LOXHD1: variants seen among roughly 807,000 people sequenced by gnomAD.
The protein encoded by LOXHD1 is lipoxygenase homology domain-containing protein 1.
In LOXHD1, 205 loss-of-function variants were observed where a neutral mutation model predicts 248.2. The observed-to-expected ratio is 0.83, with a 90% confidence interval of 0.74 to 0.93. LOXHD1 has a LOEUF of 0.93. Ranked by LOEUF, LOXHD1 falls within the 40% of genes least tolerant of loss-of-function variation. The probability of loss-of-function intolerance (pLI) is 0.00; values close to 1 mark genes in which losing one functional copy is unlikely to be tolerated. For missense variants in LOXHD1, 2,930 were observed against 2,971.6 expected (o/e 0.99, Z 0.33); for synonymous variants, 1,113 against 1,162.8 (o/e 0.96, Z 0.87).
intron 40 of LOXHD1, among the ~76,000 whole-genome samples, chr18:46,482,322 G>A (rs1443757424): frequency 6.6e-6 from 1 of 152,192 alleles, no homozygotes; most frequent in African/African-American, 2.4e-5. Flanking sequence ...ATAAGGTCAT[G>A]AGGGTGGGGC....
At chr18:46,570,138 T>C (rs914967612) in intron 15 of LOXHD1, among the ~76,000 whole-genome samples, 5 of 152,198 alleles carry the variant, frequency 3.3e-5, no homozygotes, top group Non-Finnish European at 5.9e-5. Flanking sequence ...TGGTGCAAGA[T>C]GGCAACAGTT....
chr18:46,534,410 G>A lies in LOXHD1; in HGVS notation c.4137C>T (p.Gly1379=), dbSNP rs1437990899. 1 of 1,551,678 alleles carries A rather than the reference G, an allele frequency of 6.4e-7. No individual in the cohort carries two copies. Among genetic ancestry groups the A allele is most frequent in the Non-Finnish European group, 8.7e-7 (1 of 1,146,968 alleles). The change falls in exon 27 of 41, where the codon GGC becomes GGT. Residue 1379 remains glycine (G), a synonymous_variant. Transcript: ENST00000642948. ...VGEIIEKIRI[G]HNNTGMNPGW... ...CAGGATTCATGCCCGTGTTATTATG[G>A]CCAATCCGAATTTTTTCAATGATTT...
rs569801741 is a variant in LOXHD1 at position 46,483,956 on chromosome 18, C to A, written c.6183-211G>T. 5.3e-4 allele frequency among the ~76,000 whole-genome samples: 81 copies of A among 152,178 alleles called. No individual in the cohort carries two copies. In the South Asian group the frequency reaches 5.8e-3, roughly 11 times the overall value. Reference sequence around the variant, plus strand: ...TGAAAAAGCCCCACTAGCTGCCTGGCCTCAGCACCAAAGAATGGTGACATC... The same window carrying A: ...TGAAAAAGCCCCACTAGCTGCCTGGACTCAGCACCAAAGAATGGTGACATC... On this transcript the variant is annotated intron_variant, in intron 39 of 40. Transcript: ENST00000642948.
At chr18:46,641,035 G>T (rs1384691886) in intron 3 of LOXHD1, among the ~76,000 whole-genome samples, 3 of 152,094 alleles carry the variant, frequency 2.0e-5, no homozygotes, top group Non-Finnish European at 4.4e-5. Context: ...CTGGCACATA[G>T]TAGGACCTCA....
intron 19 of LOXHD1, 35 bp downstream of exon 19, chr18:46,560,045 CACT>C: frequency 1.5e-6 from 2 of 1,344,082 alleles, no homozygotes; most frequent in Non-Finnish European, 1.0e-6. Context: ...ACTGTCTGGC[CACT>C]CCCTCCCCAC....
At chr18:46,504,140 G>A (rs1970364999) in intron 37 of LOXHD1, among the ~76,000 whole-genome samples, 1 of 151,994 alleles carries the variant, frequency 6.6e-6, no homozygotes, top group Admixed American at 6.6e-5. Flanking sequence ...TTTTGAGACA[G>A]AGTCTCACTG....
intron 32 of LOXHD1, among the ~76,000 whole-genome samples, chr18:46,521,530 G>C (rs1220263895): frequency 6.6e-6 from 1 of 152,202 alleles, no homozygotes; most frequent in African/African-American, 2.4e-5. Flanking sequence ...TGAAGAAGTT[G>C]GAGATATTTG....
At chr18:46,519,666 T>G (rs754874490) in intron 33 of LOXHD1, among the ~76,000 whole-genome samples, 1 of 152,116 alleles carries the variant, frequency 6.6e-6, no homozygotes, top group Non-Finnish European at 1.5e-5. Flanking sequence ...AAAAATAGAA[T>G]GATCAAAATG....
In LOXHD1 at chr18:46,505,870, A is replaced by T; in HGVS notation, c.5846T>A (p.Leu1949His). 1 of 1,551,738 alleles carries T rather than the reference A, an allele frequency of 6.4e-7. No individual in the cohort carries two copies. The highest frequency in any genetic ancestry group is 8.7e-7 in the Non-Finnish European group (1 of 1,147,014). ...GTCGTGCCAGACCCTCAGCTTGCAG[A>T]GGTGGCCCAAGCTCAGCATGTCAGG... ...NFPDMLSLGH[L>H]CKLRVWHDNK... Residue 1949 changes from leucine (L) to histidine (H), a missense_variant, in exon 37 of 41, where the codon CTC becomes CAC. Leu to His is a moderately conservative substitution (Grantham distance 99, BLOSUM62 -3). Coordinates refer to ENST00000642948, the MANE Select transcript of LOXHD1 (RefSeq NM_001384474.1).
intron 34 of LOXHD1, among the ~76,000 whole-genome samples, chr18:46,516,324 G>A (rs555193224): frequency 1.3e-5 from 2 of 152,316 alleles, no homozygotes; most frequent in Admixed American, 6.5e-5. Flanking sequence ...TGGAATAAAT[G>A]TTCAATGCAT....
At chr18:46,577,116 C>A (rs1357220928) in intron 14 of LOXHD1, among the ~76,000 whole-genome samples, 1 of 152,176 alleles carries the variant, frequency 6.6e-6, no homozygotes, top group East Asian at 1.9e-4. Context: ...CCAGACATTG[C>A]CACATAAAAT....
intron 14 of LOXHD1, among the ~76,000 whole-genome samples, chr18:46,573,022 CAAAAAAAAAA>C (rs71162809): frequency 2.6e-4 from 15 of 57,376 alleles, no homozygotes; most frequent in African/African-American, 4.1e-4. Flanking sequence ...GACTCCGTCT[CAAAAAAAAAA>C]AAAAAAAAAA....
At chr18:46,591,666 G>C (rs958223748) in intron 12 of LOXHD1, among the ~76,000 whole-genome samples, 1 of 152,186 alleles carries the variant, frequency 6.6e-6, no homozygotes, top group Non-Finnish European at 1.5e-5. Context: ...CAGGGCAGAT[G>C]CTTCTCATCC....
intron 2 of LOXHD1, among the ~76,000 whole-genome samples, chr18:46,644,109 C>T (rs868031491): frequency 2.0e-5 from 3 of 152,172 alleles, no homozygotes; most frequent in Non-Finnish European, 1.5e-5. Flanking sequence ...ATGAAAAAAG[C>T]ACAATCCCAT....
intron 6 of LOXHD1, among the ~76,000 whole-genome samples, chr18:46,606,614 C>T (rs980357042): frequency 2.0e-4 from 31 of 151,986 alleles, no homozygotes; most frequent in Admixed American, 1.4e-3. Context: ...GGGTCCCATC[C>T]CAAGATATCT....
At chr18:46,632,885 C>T (rs961214651) in intron 4 of LOXHD1, among the ~76,000 whole-genome samples, 1 of 152,170 alleles carries the variant, frequency 6.6e-6, no homozygotes, top group African/African-American at 2.4e-5. Context: ...TGATGTCTGA[C>T]TGAACCATTC....
chr18:46,531,000 G>A (rs547019911), intron 28 of LOXHD1, among the ~76,000 whole-genome samples: 14 of 152,174 alleles, frequency 9.2e-5, no homozygotes, highest in Admixed American at 2.0e-4. Context: ...GCGTCTCCAC[G>A]TTGACCAGAC....
chr18:46,505,734 AC>A (rs2034519985), intron 37 of LOXHD1, 103 bp downstream of exon 37: 2 of 1,248,234 alleles, frequency 1.6e-6, no homozygotes, highest in African/African-American at 1.5e-5. Flanking sequence ...GTTTTCTGCC[AC>A]CCTGGGGTAA....
At chr18:46,486,663 G>A (rs1020075182) in intron 38 of LOXHD1, among the ~76,000 whole-genome samples, 4 of 152,142 alleles carry the variant, frequency 2.6e-5, no homozygotes, top group African/African-American at 9.7e-5. Flanking sequence ...GATCCTGGGT[G>A]TGGTTAGGGA....
Sources: allele counts gnomAD v4.1 joint callset (sites outside exome capture counted in the v4.1 genomes callset), GRCh38; gene constraint gnomAD v4.1.1; transcripts MANE v1.5; gene names NCBI Gene and HGNC (gene_info 2026-07-23, HGNC 2026-07-21).